The following LARGE1 variants were observed in gnomAD, a reference collection of about 807,000 sequenced individuals.
LARGE1 encodes the protein xylosyl- and glucuronyltransferase LARGE1.
Under a neutral mutation model 87.6 loss-of-function variants are expected in LARGE1, and 43 were observed. The ratio of observed to expected loss-of-function variants is 0.49; its 90% CI spans 0.38 to 0.63. The LOEUF is 0.63. Ranked by LOEUF, LARGE1 falls within the 30% of genes least tolerant of loss-of-function variation. The pLI is 0.00. For synonymous variants in LARGE1, 434 were observed against 394.6 expected (o/e 1.10, Z -1.18); for missense variants, 802 against 1,000.2 (o/e 0.80, Z 2.67).
At chr22:33,615,252 A>G (rs555911217) in intron 4 of LARGE1, among the ~76,000 whole-genome samples, 3 of 152,310 alleles carry the variant, frequency 2.0e-5, no homozygotes, top group Non-Finnish European at 4.4e-5. Context: ...GTTTAAGGAA[A>G]GAATGAATAA....
the LARGE1 span, among the ~76,000 whole-genome samples, chr22:33,111,728 T>A: frequency 6.6e-6 from 1 of 152,236 alleles, no homozygotes; most frequent in African/African-American, 2.4e-5. Flanking sequence ...TTGAGAAGGT[T>A]GCTTGAGGTC....
chr22:33,508,208 TC>T (rs981700869), intron 6 of LARGE1, among the ~76,000 whole-genome samples: 21 of 152,158 alleles, frequency 1.4e-4, no homozygotes, highest in Admixed American at 7.2e-4. Flanking sequence ...TGGTGCTAGA[TC>T]CCACCCTGCT....
At chr22:33,085,403 C>G in the LARGE1 span, among the ~76,000 whole-genome samples, 1 of 152,152 alleles carries the variant, frequency 6.6e-6, no homozygotes, top group Admixed American at 6.5e-5. Flanking sequence ...TCTATATTGA[C>G]AAAACTGGCT....
rs2085500071 is a variant in LARGE1, at chr22:33,783,569, A to G, written c.-82-22011T>C. ...AACAGAGCGAAACTCCATCTCAAAA[A>G]ACACAAATTTGTATGGAGAGTTATC... On this transcript the variant is annotated intron_variant, in intron 1 of 14. Coordinates refer to ENST00000397394, the MANE Select transcript of LARGE1 (RefSeq NM_133642.5). Among the ~76,000 whole-genome samples the G allele has an allele frequency of 2.6e-5, 4 of 152,196 alleles. 1 individual carries two copies. The highest frequency in any genetic ancestry group is 2.6e-4 in the Admixed American group (4 of 15,284).
chr22:33,265,413 G>A (rs558237498), intron 11 of LARGE1, among the ~76,000 whole-genome samples: 16 of 152,234 alleles, frequency 1.1e-4, no homozygotes, highest in East Asian at 5.8e-4. Flanking sequence ...GCGCTCTCTC[G>A]TCTTGACACC....
intron 2 of LARGE1, among the ~76,000 whole-genome samples, chr22:33,716,947 G>C (rs868512966): frequency 4.6e-5 from 7 of 152,138 alleles, no homozygotes; most frequent in Non-Finnish European, 1.0e-4. Flanking sequence ...CCAAGATCTC[G>C]TTACATATCA....
chr22:33,127,872 C>T, the LARGE1 span, among the ~76,000 whole-genome samples: 47 of 152,284 alleles, frequency 3.1e-4, no homozygotes, highest in African/African-American at 1.1e-3. Context: ...GAATTTCAGA[C>T]ATCTATCTTG....
At chr22:33,822,934 C>T (rs1472914818) in intron 1 of LARGE1, among the ~76,000 whole-genome samples, 1 of 152,134 alleles carries the variant, frequency 6.6e-6, no homozygotes, top group Admixed American at 6.5e-5. Context: ...TTCCTCTGGC[C>T]ACAGTGATCT....
intron 5 of LARGE1, among the ~76,000 whole-genome samples, chr22:33,576,385 T>C (rs750638038): frequency 4.6e-5 from 7 of 152,174 alleles, no homozygotes; most frequent in African/African-American, 9.6e-5. Flanking sequence ...ACAGTGCAGT[T>C]TGGGGAGACA....
chr22:33,165,163 T>TA (rs1922199771), exon 12 of LARGE1: 1 of 152,160 alleles, frequency 6.6e-6, no homozygotes, highest in Non-Finnish European at 1.5e-5. Flanking sequence ...GTTTAAATTA[T>TA]AAAAAGAATA....
intron 10 of LARGE1, among the ~76,000 whole-genome samples, chr22:33,327,215 C>T (rs1281385323): frequency 6.6e-6 from 1 of 152,154 alleles, no homozygotes; most frequent in East Asian, 1.9e-4. Flanking sequence ...TTATTTTTAA[C>T]TTCTAGTTGA....
intron 6 of LARGE1, among the ~76,000 whole-genome samples, chr22:33,478,719 T>G (rs2069182938): frequency 6.6e-6 from 1 of 152,220 alleles, no homozygotes; most frequent in Non-Finnish European, 1.5e-5. Flanking sequence ...CATGAAAGCA[T>G]CTGGCACAAT....
chr22:33,610,702 C>A (rs757399661), intron 4 of LARGE1, among the ~76,000 whole-genome samples: 6 of 152,056 alleles, frequency 3.9e-5, no homozygotes, highest in Non-Finnish European at 7.4e-5. Flanking sequence ...TAAAAAGGGG[C>A]CAGGTACGAC....
At chr22:33,558,067 T>C (rs944394492) in intron 6 of LARGE1, among the ~76,000 whole-genome samples, 1 of 152,140 alleles carries the variant, frequency 6.6e-6, no homozygotes, top group Non-Finnish European at 1.5e-5. Flanking sequence ...ATTTCATCTT[T>C]TAAAATTTAT....
chr22:33,731,119 C>T (rs1384477517), intron 2 of LARGE1, among the ~76,000 whole-genome samples: 2 of 151,728 alleles, frequency 1.3e-5, no homozygotes, highest in African/African-American at 4.8e-5. Flanking sequence ...TCTCCTGCCT[C>T]AGCCTTCCCA....
At chr22:33,811,494 T>C (rs2086492270) in intron 1 of LARGE1, among the ~76,000 whole-genome samples, 2 of 152,034 alleles carry the variant, frequency 1.3e-5, no homozygotes, top group Admixed American at 1.3e-4. Flanking sequence ...AAAACCTGAG[T>C]CTTGAAGGAT....
At position 33,371,981 on chromosome 22, in the gene LARGE1, C is replaced by G. The variant is rs1420755788; in HGVS notation, c.1131+9938G>C. On this transcript the variant is annotated intron_variant, in intron 9 of 14. Transcript: ENST00000397394. ...CCTGGGCGACAGAGCGAGACTCCAT[C>G]TCAAAAAAAAAAAAAAAGTTTATAA... Among the ~76,000 whole-genome samples the G allele has an allele frequency of 5.7e-5, 8 of 141,276 alleles. No individual in the cohort carries two copies. In the South Asian group the frequency reaches 1.8e-3, roughly 31 times the overall value. 92.7% of individuals were successfully genotyped at this position (141,276 alleles called of 152,430 possible).
At chr22:33,201,804 G>A (rs749101529) in intron 11 of LARGE1, among the ~76,000 whole-genome samples, 68 of 152,282 alleles carry the variant, frequency 4.5e-4, no homozygotes, top group Middle Eastern at 6.8e-3. Context: ...CCGCTGAAGC[G>A]TTTTGAGCAA....
At chr22:33,502,456 T>C (rs907615825) in intron 6 of LARGE1, among the ~76,000 whole-genome samples, 1 of 152,154 alleles carries the variant, frequency 6.6e-6, no homozygotes, top group Non-Finnish European at 1.5e-5. Context: ...GGAGCAGGCA[T>C]GCAGGGAGCG....
Sources: allele counts gnomAD v4.1 joint callset (sites outside exome capture counted in the v4.1 genomes callset), GRCh38; gene constraint gnomAD v4.1.1; transcripts MANE v1.5; gene names NCBI Gene and HGNC (gene_info 2026-07-23, HGNC 2026-07-21).